Variants in PIK3C2G observed in about 807,000 individuals in gnomAD.
The protein encoded by PIK3C2G is phosphatidylinositol-4-phosphate 3-kinase catalytic subunit type 2 gamma, also known as phosphatidylinositol 3-kinase C2 domain-containing subunit gamma.
Under a neutral mutation model 181.1 loss-of-function variants are expected in PIK3C2G, and 168 were observed. That is an observed-to-expected ratio of 0.93 (90% CI 0.82 to 1.05). The LOEUF is 1.05. PIK3C2G is among the 50% of genes least tolerant of loss of function. The pLI is 0.00. For synonymous variants in PIK3C2G, 573 were observed against 592.2 expected (o/e 0.97, Z 0.47); for missense variants, 1,869 against 1,732.8 (o/e 1.08, Z -1.40).
intron 8 of PIK3C2G, among the ~76,000 whole-genome samples, chr12:18,325,436 C>T (rs1342491702): frequency 4.6e-5 from 7 of 152,066 alleles, no homozygotes; most frequent in African/African-American, 1.4e-4. Flanking sequence ...AGATAACTTT[C>T]GGCAAAGAAC....
intron 31 of PIK3C2G, among the ~76,000 whole-genome samples, chr12:18,634,358 A>G (rs1304510932): frequency 1.3e-5 from 2 of 152,170 alleles, no homozygotes. Context: ...TAGTGGGCCT[A>G]TGGGATTTTG....
At chr12:18,671,199 AAAAG>A in the PIK3C2G span, among the ~76,000 whole-genome samples, 95 of 151,756 alleles carry the variant, frequency 6.3e-4, no homozygotes, top group African/African-American at 2.2e-3. Flanking sequence ...AAAAAAAAAA[AAAAG>A]AAAGAAAGAA....
chr12:18,521,104 A>C (rs1321071702), intron 24 of PIK3C2G, among the ~76,000 whole-genome samples: 1 of 152,080 alleles, frequency 6.6e-6, no homozygotes, highest in Non-Finnish European at 1.5e-5. Flanking sequence ...GGAGAACAGC[A>C]AAGGTGGGTG....
intron 24 of PIK3C2G, among the ~76,000 whole-genome samples, chr12:18,515,903 G>C (rs1942505364): frequency 6.6e-6 from 1 of 151,752 alleles, no homozygotes; most frequent in African/African-American, 2.4e-5. Flanking sequence ...ATTCTAGTAG[G>C]TTGTGTTTCC....
intron 20 of PIK3C2G, among the ~76,000 whole-genome samples, chr12:18,495,841 C>T (rs542714585): frequency 2.0e-5 from 3 of 152,156 alleles, no homozygotes; most frequent in African/African-American, 7.2e-5. Flanking sequence ...TGTCAAAAAG[C>T]TGGCTTCTTG....
chr12:18,408,637 G>T (rs1944677928), intron 16 of PIK3C2G, among the ~76,000 whole-genome samples: 1 of 152,110 alleles, frequency 6.6e-6, no homozygotes, highest in Non-Finnish European at 1.5e-5. Context: ...TACAGAATGG[G>T]AGAAAATTTT....
chr12:18,337,357 A>G (rs1369136547), intron 8 of PIK3C2G, among the ~76,000 whole-genome samples: 1 of 152,164 alleles, frequency 6.6e-6, no homozygotes, highest in Non-Finnish European at 1.5e-5. Flanking sequence ...TGACCATAAA[A>G]TCGCTGTCTA....
At chr12:18,292,227 A>AAAAAAATATATATATAT in intron 4 of PIK3C2G, among the ~76,000 whole-genome samples, 1 of 48,734 alleles carries the variant, frequency 2.1e-5, no homozygotes, top group African/African-American at 1.1e-4. Context: ...AAAAAAAAAA[A>AAAAAAATATATATATAT]ATATATATAT....
chr12:18,501,457 T>G (rs1941475258), intron 22 of PIK3C2G, among the ~76,000 whole-genome samples: 1 of 151,954 alleles, frequency 6.6e-6, no homozygotes, highest in African/African-American at 2.4e-5. Flanking sequence ...CTTCCACACG[T>G]GGGGATTATG....
intron 18 of PIK3C2G, among the ~76,000 whole-genome samples, chr12:18,424,360 T>A (rs1945667546): frequency 6.6e-6 from 1 of 152,188 alleles, no homozygotes; most frequent in African/African-American, 2.4e-5. Context: ...TAATGTAAAA[T>A]CTAGTTATGA....
chr12:18,475,107 A>G (rs1308587350), intron 18 of PIK3C2G, among the ~76,000 whole-genome samples: 2 of 152,118 alleles, frequency 1.3e-5, no homozygotes, highest in Non-Finnish European at 2.9e-5. Flanking sequence ...AGCAAAAATG[A>G]AAATAACAAT....
intron 29 of PIK3C2G, among the ~76,000 whole-genome samples, chr12:18,588,475 C>G (rs1419246426): frequency 6.6e-6 from 1 of 151,988 alleles, no homozygotes; most frequent in Admixed American, 6.6e-5. Flanking sequence ...TACATGTAGC[C>G]AAGAAGCATA....
chr12:18,699,162 T>C, the PIK3C2G span, among the ~76,000 whole-genome samples: 290 of 152,284 alleles, frequency 1.9e-3, 1 homozygote, highest in Non-Finnish European at 3.3e-3. Context: ...AGGTGTGCAG[T>C]GGGGCATGCA....
chr12:18,484,229 G>A (rs1205620475), intron 18 of PIK3C2G, among the ~76,000 whole-genome samples: 4 of 152,096 alleles, frequency 2.6e-5, no homozygotes, highest in South Asian at 2.1e-4. Flanking sequence ...GAGAAAACAT[G>A]GAGCTGGGAA....
intron 31 of PIK3C2G, among the ~76,000 whole-genome samples, chr12:18,632,817 G>A (rs972308991): frequency 6.6e-5 from 10 of 152,112 alleles, no homozygotes; most frequent in African/African-American, 2.4e-4. Context: ...CCCACCCTGG[G>A]GATGACAATC....
At chr12:18,643,928 T>A (rs745881205) in intron 32 of PIK3C2G, among the ~76,000 whole-genome samples, 2 of 152,192 alleles carry the variant, frequency 1.3e-5, no homozygotes, top group African/African-American at 2.4e-5. Context: ...CTCCTCTTTA[T>A]ATAAATCTCT....
At chr12:18,699,895 G>A in the PIK3C2G span, 2 of 1,612,410 alleles carry the variant, frequency 1.2e-6, no homozygotes, top group Admixed American at 1.7e-5. Context: ...GAATTTCTCA[G>A]CTTTCGTATA....
At chr12:18,701,357 G>T in the PIK3C2G span, 2 of 1,429,232 alleles carry the variant, frequency 1.4e-6, no homozygotes, top group Non-Finnish European at 9.3e-7. Context: ...CACCATCGAT[G>T]TTTTCAAAGT....
At chr12:18,501,282 A>G (rs1456776940) in intron 22 of PIK3C2G, among the ~76,000 whole-genome samples, 1 of 152,194 alleles carries the variant, frequency 6.6e-6, no homozygotes, top group Non-Finnish European at 1.5e-5. Flanking sequence ...GGTGAAGCGG[A>G]AGCAAGGGCC....
Sources: allele counts gnomAD v4.1 joint callset (sites outside exome capture counted in the v4.1 genomes callset), GRCh38; gene constraint gnomAD v4.1.1; transcripts MANE v1.5; gene names NCBI Gene and HGNC (gene_info 2026-07-23, HGNC 2026-07-21).